JPH1: variants seen among roughly 807,000 people sequenced by gnomAD.
JPH1 encodes junctophilin-1.
A neutral mutation model predicts 53.6 loss-of-function variants in JPH1; 12 were observed. The ratio of observed to expected loss-of-function variants is 0.22; its 90% CI spans 0.14 to 0.36. The LOEUF is 0.36. Ranked by LOEUF, JPH1 falls within the 10% of genes least tolerant of loss-of-function variation. JPH1 has a pLI of 1.00. For missense variants in JPH1, 808 were observed against 905.5 expected, an observed-to-expected ratio of 0.89 and a Z score of 1.38; for synonymous variants, 375 against 363.8, an observed-to-expected ratio of 1.03 and a Z score of -0.35.
intron 5 of JPH1, 37 bp downstream of exon 5, chr8:74,237,171 T>C: frequency 1.5e-6 from 2 of 1,310,148 alleles, no homozygotes; most frequent in Non-Finnish European, 2.2e-6. Flanking sequence ...GAATGTTATT[T>C]ACTATGATTT....
rs868586182 is a variant in JPH1, at chr8:74,296,473, T to C, written c.1139+18388A>G. 3.9e-5 allele frequency among the ~76,000 whole-genome samples: 6 copies of C among 152,346 alleles called. No homozygotes were observed. The South Asian group carries it at 6.2e-4, about 16-fold the overall frequency. ...GCTTTAAAGTTCACTAGTTCAGTAT[T>C]TATTCAGGCTTCTAAAAGTTATTTA... On this transcript the variant is annotated intron_variant, in intron 2 of 5. Transcript: ENST00000342232.
At chr8:74,304,774 T>C (rs1807785555) in intron 2 of JPH1, among the ~76,000 whole-genome samples, 1 of 152,172 alleles carries the variant, frequency 6.6e-6, no homozygotes, top group Non-Finnish European at 1.5e-5. Context: ...AATAAAATTG[T>C]TTGTTAATTT....
At chr8:74,291,843 G>T (rs1407933417) in intron 2 of JPH1, among the ~76,000 whole-genome samples, 3 of 152,164 alleles carry the variant, frequency 2.0e-5, no homozygotes, top group African/African-American at 7.2e-5. Flanking sequence ...ATACTATGCA[G>T]CCATAAGAAA....
chr8:74,264,104 C>A (rs998854847), intron 2 of JPH1, among the ~76,000 whole-genome samples: 1 of 152,206 alleles, frequency 6.6e-6, no homozygotes, highest in Non-Finnish European at 1.5e-5. Context: ...CACAGGTACA[C>A]ATAGGGCCCT....
chr8:74,300,665 G>T (rs949173478), intron 2 of JPH1, among the ~76,000 whole-genome samples: 3 of 152,110 alleles, frequency 2.0e-5, no homozygotes, highest in African/African-American at 7.2e-5. Flanking sequence ...TCTGGAGTTG[G>T]AAAAGTAAAA....
At chr8:74,238,979 A>T (rs1300021646) in intron 4 of JPH1, among the ~76,000 whole-genome samples, 1 of 152,132 alleles carries the variant, frequency 6.6e-6, no homozygotes, top group African/African-American at 2.4e-5. Flanking sequence ...TGTTAAACGA[A>T]ATGGATTAAA....
chr8:74,311,685 A>C (rs1356322267), intron 2 of JPH1, among the ~76,000 whole-genome samples: 14 of 74,810 alleles, frequency 1.9e-4, no homozygotes, highest in Non-Finnish European at 3.0e-4. Flanking sequence ...CCCACCCCAC[A>C]ACAGTCCCCA....
intron 2 of JPH1, among the ~76,000 whole-genome samples, chr8:74,262,401 G>T (rs117153709): frequency 6.6e-6 from 1 of 152,166 alleles, no homozygotes; most frequent in Non-Finnish European, 1.5e-5. Flanking sequence ...TCTTGCGTTG[G>T]GGGGTGGGAT....
intron 2 of JPH1, among the ~76,000 whole-genome samples, chr8:74,314,225 T>C (rs561768163): frequency 6.6e-6 from 1 of 152,350 alleles, no homozygotes; most frequent in East Asian, 1.9e-4. Flanking sequence ...GCGATTCTTG[T>C]AGGTCTCTTT....
chr8:74,258,322 G>A (rs191223607), intron 3 of JPH1, among the ~76,000 whole-genome samples: 11 of 152,176 alleles, frequency 7.2e-5, no homozygotes, highest in East Asian at 3.9e-4. Context: ...AAACAATCAC[G>A]GAGAATATAT....
At chr8:74,254,412 G>C (rs539777062) in intron 3 of JPH1, among the ~76,000 whole-genome samples, 16,686 of 151,884 alleles carry the variant, frequency 0.11, 2,902 homozygotes, top group African/African-American at 0.36. Context: ...TAAGAGCTAT[G>C]TATGACAAAC....
At chr8:74,291,285 G>GA (rs1343992557) in intron 2 of JPH1, among the ~76,000 whole-genome samples, 3 of 152,106 alleles carry the variant, frequency 2.0e-5, no homozygotes, top group African/African-American at 7.2e-5. Context: ...AAATTTACAA[G>GA]AAAAAATCAA....
At chr8:74,306,167 A>G (rs1350030757) in intron 2 of JPH1, among the ~76,000 whole-genome samples, 2 of 152,208 alleles carry the variant, frequency 1.3e-5, no homozygotes, top group African/African-American at 2.4e-5. Flanking sequence ...AGCTGGCCAG[A>G]GGAGTTTCTC....
At chr8:74,265,443 T>C (rs1806505878) in intron 2 of JPH1, among the ~76,000 whole-genome samples, 1 of 152,212 alleles carries the variant, frequency 6.6e-6, no homozygotes, top group Admixed American at 6.5e-5. Context: ...TTCTAATCCT[T>C]GATTGGAATA....
chr8:74,320,085 G>A lies in JPH1; in HGVS notation c.379+824C>T, dbSNP rs1322569310. On this transcript the variant is annotated intron_variant, in intron 1 of 5. Coordinates refer to ENST00000342232, the MANE Select transcript of JPH1 (RefSeq NM_020647.4). This position sits in a 1 kb window ranked among gnomAD's most constrained non-coding sequence, Gnocchi z 4.4. ...TGTTTCAGTATTGCCATTCTCAGGA[G>A]TAGTAGCTGCTAACTTAGCAGCTAT... 6.6e-6 allele frequency among the ~76,000 whole-genome samples: 1 copy of A among 152,192 alleles called. No individual in the cohort carries two copies. The highest frequency in any genetic ancestry group is 1.5e-5 in the Non-Finnish European group (1 of 68,036).
At chr8:74,303,819 G>A (rs563331085) in intron 2 of JPH1, among the ~76,000 whole-genome samples, 118 of 152,214 alleles carry the variant, frequency 7.8e-4, no homozygotes, top group Non-Finnish European at 1.4e-3. Flanking sequence ...CCTGCAGCCA[G>A]AGTGATCTTT....
intron 2 of JPH1, among the ~76,000 whole-genome samples, chr8:74,263,796 A>G (rs9298237): frequency 0.071 from 10,681 of 150,776 alleles, 953 homozygotes; most frequent in African/African-American, 0.21. Context: ...ATGGCACCAT[A>G]GGTAAGAAAA....
chr8:74,290,012 G>A (rs530288452), intron 2 of JPH1, among the ~76,000 whole-genome samples: 1 of 152,240 alleles, frequency 6.6e-6, no homozygotes, highest in Non-Finnish European at 1.5e-5. Context: ...GTTCATCAGG[G>A]ATATTGGTCT....
At chr8:74,318,898 A>C (rs1260431330) in intron 1 of JPH1, among the ~76,000 whole-genome samples, 6 of 152,220 alleles carry the variant, frequency 3.9e-5, no homozygotes, top group Non-Finnish European at 8.8e-5. Flanking sequence ...TTTCTAATGA[A>C]ATAGTTACAT....
Sources: gnomAD v4.1 joint callset for allele counts (sites outside exome capture counted in the v4.1 genomes callset) on GRCh38, gnomAD v4.1.1 for gene constraint, Gnocchi (gnomAD v3.1) non-coding constraint, MANE v1.5 for transcripts, NCBI Gene and HGNC (gene_info 2026-07-23, HGNC 2026-07-21) for gene names.